NXPE3: variants seen among roughly 807,000 people sequenced by gnomAD.
The protein encoded by NXPE3 is neurexophilin and PC-esterase domain family member 3.
Under a neutral mutation model 46.1 loss-of-function variants are expected in NXPE3, and 26 were observed. That is an observed-to-expected ratio of 0.56 (90% CI 0.41 to 0.78). NXPE3 has a LOEUF of 0.78. NXPE3 is among the 30% of genes least tolerant of loss of function. The pLI is 0.00. For synonymous variants in NXPE3, 272 were observed against 257.9 expected (o/e 1.05, Z -0.52); for missense variants, 620 against 686.0 (o/e 0.90, Z 1.07).
In NXPE3 at chr3:101,801,292, T is replaced by G. The variant is rs749266868; in HGVS notation, c.151T>G (p.Ser51Ala). 1 of 1,614,154 alleles carries G rather than the reference T, an allele frequency of 6.2e-7. No homozygotes were observed. Among genetic ancestry groups the G allele is most frequent in the South Asian group, 1.1e-5 (1 of 91,074 alleles). The change falls in exon 5 of 8, where the codon TCC (serine) becomes GCC (alanine). Residue 51 changes from serine (S) to alanine (A), a missense_variant. Ser to Ala is a moderately conservative substitution (Grantham distance 99). Coordinates refer to ENST00000273347, the MANE Select transcript of NXPE3 (RefSeq NM_145037.4). ...TFIDSSGQFV[S>A]SQVTGISRNP... ...CATCGACAGCAGTGGACAGTTTGTTTCCTCCCAGGTGACAGGAATTAGCCG... is the reference window on the plus strand; with the variant it reads ...CATCGACAGCAGTGGACAGTTTGTTGCCTCCCAGGTGACAGGAATTAGCCG...
intron 7 of NXPE3, among the ~76,000 whole-genome samples, chr3:101,820,576 G>C (rs605621): frequency 0.9 from 137,625 of 152,250 alleles, 62,335 homozygotes; most frequent in East Asian, 0.99. Context: ...CACATGCAAG[G>C]AAATGTTCAT....
rs1560057845 is a variant in NXPE3, at chr3:101,808,852, T to TACAC, written c.922+1727_922+1728insCACA. On this transcript the variant is annotated intron_variant, in intron 6 of 7. Transcript: ENST00000273347. ...ATATATATATATATATATATATATATATATGAGACATTTATCTTTTATCTG... is the reference window on the plus strand; with the variant it reads ...ATATATATATATATATATATATATATACACATATGAGACATTTATCTTTTATCTG... 1.5e-3 allele frequency among the ~76,000 whole-genome samples: 195 copies of TACAC among 131,916 alleles called. 8 individuals are homozygous for TACAC. Among genetic ancestry groups the TACAC allele is most frequent in the African/African-American group, 4.9e-3 (167 of 34,136 alleles). The allele number at this position is 131,916 out of a possible 152,430, so 86.5% of individuals were successfully genotyped here. A position where few individuals can be genotyped will look rare whatever the true frequency, so the allele number is the denominator to read the frequency against.
intron 6 of NXPE3, among the ~76,000 whole-genome samples, chr3:101,809,633 G>T (rs1413506699): frequency 6.6e-6 from 1 of 152,112 alleles, no homozygotes; most frequent in Non-Finnish European, 1.5e-5. Flanking sequence ...TTCATTTTAA[G>T]TATTTATATC....
intron 1 of NXPE3, among the ~76,000 whole-genome samples, chr3:101,780,671 ATGT>A (rs1284839518): frequency 6.6e-6 from 1 of 152,202 alleles, no homozygotes; most frequent in Non-Finnish European, 1.5e-5. Context: ...ATGATTATTA[ATGT>A]TCATGCAGGG....
intron 5 of NXPE3, among the ~76,000 whole-genome samples, chr3:101,802,444 C>G (rs1049769809): frequency 1.3e-5 from 2 of 151,224 alleles, no homozygotes; most frequent in Admixed American, 1.3e-4. Context: ...ATAGCAAGAC[C>G]CCATCTATTT....
rs1301633331 is a variant in NXPE3 at position 101,800,227 on chromosome 3, T to G, written c.94-1008T>G. ...ATTTCCCTCTAAGCACTTCTCTTGC[T>G]TCATTCTATAGTGTTTAATGAATTA... is the stretch of plus-strand genomic sequence containing the variant. On this transcript the variant is annotated intron_variant, in intron 4 of 7. Transcript: ENST00000273347. Among the ~76,000 whole-genome samples, 3 of 152,304 alleles carry G rather than the reference T, an allele frequency of 2.0e-5. No homozygotes were observed. In the South Asian group the frequency reaches 6.2e-4, roughly 32 times the overall value.
In NXPE3 at chr3:101,793,627, C is replaced by CTTTTTTTTTTTTTTTT; in HGVS notation, c.94-7594_94-7579dup. On this transcript the variant is annotated intron_variant, in intron 4 of 7. Transcript: ENST00000273347. ...TTTTTTTTGTATTAATTGACAAGGT[C>CTTTTTTTTTTTTTTTT]TTTTTTTTTTTTTTTTTTTTTTTTT... Among the ~76,000 whole-genome samples, 4 of 19,410 alleles carry CTTTTTTTTTTTTTTTT rather than the reference C, an allele frequency of 2.1e-4. 1 individual carries two copies. The highest frequency in any genetic ancestry group is 5.5e-4 in the African/African-American group (3 of 5,482). 12.7% of individuals were successfully genotyped at this position (19,410 alleles called of 152,430 possible).
At chr3:101,815,452 C>T (rs1941927617) in intron 6 of NXPE3, among the ~76,000 whole-genome samples, 1 of 152,254 alleles carries the variant, frequency 6.6e-6, no homozygotes, top group African/African-American at 2.4e-5. Flanking sequence ...TAAGTTGTTA[C>T]TTGCCTCGCA....
At chr3:101,792,823 G>A (rs58658478) in intron 4 of NXPE3, among the ~76,000 whole-genome samples, 43,228 of 152,102 alleles carry the variant, frequency 0.28, 6,574 homozygotes, top group Non-Finnish European at 0.34. Flanking sequence ...AGTTTGCTAG[G>A]AATAGCATTG....
rs1394718488 is a variant in NXPE3, at chr3:101,825,250, T to C, written c.*3296T>C. Reference sequence around the variant, plus strand: ...GCTCTCACTTATCAGTGAGAACAACTTTCATCCCACATCTAATTTGTCTTT... The same window carrying C: ...GCTCTCACTTATCAGTGAGAACAACCTTCATCCCACATCTAATTTGTCTTT... On this transcript the variant is annotated 3_prime_UTR_variant, in exon 8 of 8. Coordinates refer to ENST00000273347, the MANE Select transcript of NXPE3 (RefSeq NM_145037.4). 1 of 152,238 alleles carries C rather than the reference T, an allele frequency of 6.6e-6. No homozygotes were observed. The highest frequency in any genetic ancestry group is 1.9e-4 in the East Asian group (1 of 5,204). 9.4% of individuals were successfully genotyped at this position (152,238 alleles called of 1,614,324 possible). A position where few individuals can be genotyped will look rare whatever the true frequency, so the allele number is the denominator to read the frequency against.
chr3:101,796,024 T>C (rs368430942), intron 4 of NXPE3, among the ~76,000 whole-genome samples: 97 of 152,344 alleles, frequency 6.4e-4, no homozygotes, highest in African/African-American at 2.3e-3. Flanking sequence ...AAATAGCTGT[T>C]ACCAAGGGGA....
chr3:101,783,123 G>A (rs905530440), intron 3 of NXPE3, among the ~76,000 whole-genome samples: 1 of 151,934 alleles, frequency 6.6e-6, no homozygotes, highest in East Asian at 1.9e-4. Flanking sequence ...GTGCAGTGGC[G>A]TGATCTCCGC....
Position 101,822,005 on chromosome 3 carries a change from A to C in NXPE3, c.*51A>C. On this transcript the variant is annotated 3_prime_UTR_variant, in exon 8 of 8. Transcript: ENST00000273347. Reference sequence around the variant, plus strand: ...TCATATTCAATGACCTTCTCAATTGACCTGAGTTACAGAAAGTGGCCCCAG... The same window carrying C: ...TCATATTCAATGACCTTCTCAATTGCCCTGAGTTACAGAAAGTGGCCCCAG... 1 of 1,544,102 alleles carries C rather than the reference A, an allele frequency of 6.5e-7. No homozygotes were observed. Among genetic ancestry groups the C allele is most frequent in the Non-Finnish European group, 8.8e-7 (1 of 1,131,950 alleles).
chr3:101,786,405 G>T (rs532182083), intron 4 of NXPE3, among the ~76,000 whole-genome samples: 50 of 152,296 alleles, frequency 3.3e-4, no homozygotes, highest in South Asian at 1.7e-3. Context: ...TAAAAGCTAA[G>T]CCATAGGCTT....
At chr3:101,790,098 T>C (rs1402058495) in intron 4 of NXPE3, among the ~76,000 whole-genome samples, 1 of 152,228 alleles carries the variant, frequency 6.6e-6, no homozygotes, top group Non-Finnish European at 1.5e-5. Flanking sequence ...ATACTTTGTA[T>C]TACTTGAATT....
At chr3:101,798,761 T>C (rs1381190014) in intron 4 of NXPE3, among the ~76,000 whole-genome samples, 1 of 151,742 alleles carries the variant, frequency 6.6e-6, no homozygotes, top group Non-Finnish European at 1.5e-5. Flanking sequence ...TACAGGTGTG[T>C]ACCACCACAC....
intron 7 of NXPE3, among the ~76,000 whole-genome samples, chr3:101,819,463 A>G (rs533266928): frequency 1.3e-5 from 2 of 152,342 alleles, no homozygotes; most frequent in East Asian, 1.9e-4. Flanking sequence ...CATGATAGAG[A>G]TGGAAGTTTT....
chr3:101,785,543 A>G lies in NXPE3; in HGVS notation c.-54A>G. The stretch of plus-strand genomic sequence containing the variant: ...CAGAAAAGCAAAGACATGGAATTTT[A>G]AAGAGTGAAGGTAGCATGGTGTCGG... On this transcript the variant is annotated 5_prime_UTR_variant, in exon 4 of 8. The change abolishes the stop of an existing upstream ORF in the 5' untranslated region. Coordinates refer to ENST00000273347, the MANE Select transcript of NXPE3 (RefSeq NM_145037.4). 2.7e-6 allele frequency: 4 copies of G among 1,482,832 alleles called. No homozygotes were observed. The allele number at this position is 1,482,832 out of a possible 1,614,324, so 91.9% of individuals were successfully genotyped here.
chr3:101,790,516 A>G (rs770014467), intron 4 of NXPE3, among the ~76,000 whole-genome samples: 1 of 151,932 alleles, frequency 6.6e-6, no homozygotes, highest in South Asian at 2.1e-4. Context: ...TCCGAAATGT[A>G]CTCTGTATGA....
Sources: allele counts gnomAD v4.1 joint callset (sites outside exome capture counted in the v4.1 genomes callset), GRCh38; gene constraint gnomAD v4.1.1; transcripts MANE v1.5; gene names NCBI Gene and HGNC (gene_info 2026-07-23, HGNC 2026-07-21).